Variants in ARL15 observed in about 807,000 individuals in gnomAD.
ARL15 encodes ARF like GTPase 15, also known as ADP-ribosylation factor-like protein 15.
A neutral mutation model predicts 25.2 loss-of-function variants in ARL15; 19 were observed. The ratio of observed to expected loss-of-function variants is 0.75; its 90% CI spans 0.53 to 1.10. The LOEUF is 1.10. Among genes scored for constraint, ARL15 ranks in the 50% least tolerant of loss-of-function variants. The pLI is 0.00. For synonymous variants in ARL15, 94 were observed against 86.8 expected (o/e 1.08, Z -0.46); for missense variants, 220 against 246.0 (o/e 0.89, Z 0.71).
chr5:53,998,049 T>C (rs1206335471), intron 4 of ARL15, among the ~76,000 whole-genome samples: 2 of 151,974 alleles, frequency 1.3e-5, no homozygotes, highest in African/African-American at 2.4e-5. Context: ...AGACTCATGT[T>C]TGACTGCTGA....
In ARL15 at chr5:54,067,119, TGGGA is replaced by T. The variant is rs1307270310; in HGVS notation, c.462+46079_462+46082del. The T allele has an allele frequency of 3.9e-5, 6 of 152,790 alleles. No individual in the cohort carries two copies. In the East Asian group the frequency reaches 1.2e-3, roughly 29 times the overall value. 9.5% of individuals were successfully genotyped at this position (152,790 alleles called of 1,614,324 possible). On this transcript the variant is annotated intron_variant, in intron 4 of 4. Coordinates refer to ENST00000504924, the MANE Select transcript of ARL15 (RefSeq NM_019087.3). ...AGGAAATTGGCACTCCTTTCACTGT[TGGGA>T]TAGCATTTGCTAAACATCAAAATAT...
At chr5:54,082,610 C>A (rs891156970) in intron 4 of ARL15, among the ~76,000 whole-genome samples, 1 of 152,118 alleles carries the variant, frequency 6.6e-6, no homozygotes, top group Non-Finnish European at 1.5e-5. Flanking sequence ...CAACTCCTAC[C>A]AAGATAAAAT....
chr5:54,020,816 G>C (rs1428240488), intron 4 of ARL15, among the ~76,000 whole-genome samples: 1 of 151,268 alleles, frequency 6.6e-6, no homozygotes, highest in East Asian at 1.9e-4. Flanking sequence ...TTAGCTGGCT[G>C]TGGTGGCTGG....
chr5:54,134,688 G>T (rs1190702648), intron 3 of ARL15, among the ~76,000 whole-genome samples: 2 of 136,868 alleles, frequency 1.5e-5, no homozygotes, highest in African/African-American at 5.5e-5. Context: ...GGGTTCAAGC[G>T]ATTCTCCTGC....
At chr5:54,239,417 C>T (rs3910951) in intron 1 of ARL15, among the ~76,000 whole-genome samples, 94,398 of 151,962 alleles carry the variant, frequency 0.62, 30,097 homozygotes, top group Non-Finnish European at 0.7. Flanking sequence ...AAGACTTACA[C>T]GAGTAAAGAA....
At chr5:54,231,901 G>C (rs996869708) in intron 1 of ARL15, among the ~76,000 whole-genome samples, 3 of 152,028 alleles carry the variant, frequency 2.0e-5, no homozygotes, top group African/African-American at 4.8e-5. Context: ...TAGTCACTGG[G>C]GGACAGAGCC....
intron 3 of ARL15, among the ~76,000 whole-genome samples, chr5:54,120,439 C>T (rs1753036052): frequency 6.6e-6 from 1 of 152,148 alleles, no homozygotes; most frequent in Non-Finnish European, 1.5e-5. Context: ...AACCTATGTT[C>T]CTTGGGATAC....
At chr5:54,077,820 G>A (rs1447809465) in intron 4 of ARL15, among the ~76,000 whole-genome samples, 1 of 152,126 alleles carries the variant, frequency 6.6e-6, no homozygotes, top group Non-Finnish European at 1.5e-5. Context: ...ATGTAAGGCA[G>A]CTCTAACATG....
intron 4 of ARL15, among the ~76,000 whole-genome samples, chr5:53,989,578 T>G (rs201650553): frequency 9.5e-5 from 2 of 21,058 alleles, no homozygotes; most frequent in African/African-American, 1.2e-4. Context: ...CAGGGAGGGG[T>G]GTGTGTGTGT....
chr5:53,939,457 C>T (rs1746459231), intron 4 of ARL15, among the ~76,000 whole-genome samples: 1 of 152,170 alleles, frequency 6.6e-6, no homozygotes, highest in Non-Finnish European at 1.5e-5. Context: ...AGATGCTGGG[C>T]CGGGCGCGAT....
At chr5:54,232,202 C>T (rs1756690411) in intron 1 of ARL15, among the ~76,000 whole-genome samples, 1 of 152,182 alleles carries the variant, frequency 6.6e-6, no homozygotes, top group African/African-American at 2.4e-5. Context: ...GGATTAGAGG[C>T]CCTCACCAAA....
intron 1 of ARL15, among the ~76,000 whole-genome samples, chr5:54,273,409 G>A (rs1040937125): frequency 5.5e-4 from 83 of 152,118 alleles, no homozygotes; most frequent in African/African-American, 1.9e-3. Flanking sequence ...ACCTAATCAC[G>A]AAGAAACAAT....
At chr5:54,091,646 T>G (rs1209218273) in intron 4 of ARL15, among the ~76,000 whole-genome samples, 1 of 152,142 alleles carries the variant, frequency 6.6e-6, no homozygotes, top group Non-Finnish European at 1.5e-5. Flanking sequence ...CCCCAGGTGG[T>G]GTGCCCACCT....
At chr5:54,295,881 C>T (rs1033174374) in intron 1 of ARL15, among the ~76,000 whole-genome samples, 5 of 152,212 alleles carry the variant, frequency 3.3e-5, no homozygotes, top group African/African-American at 1.2e-4. Flanking sequence ...AAATCACATG[C>T]TCTGCTTCTC....
intron 4 of ARL15, among the ~76,000 whole-genome samples, chr5:53,969,639 T>C (rs2112177426): frequency 6.6e-6 from 1 of 152,316 alleles, no homozygotes; most frequent in Admixed American, 6.5e-5. Flanking sequence ...CGATGCTTAA[T>C]ATTTTTAAAA....
intron 4 of ARL15, among the ~76,000 whole-genome samples, chr5:54,070,253 G>T (rs564861378): frequency 6.6e-6 from 1 of 151,756 alleles, no homozygotes; most frequent in African/African-American, 2.4e-5. Context: ...TTAGCCGGGC[G>T]TGGTGCCGGG....
intron 1 of ARL15, among the ~76,000 whole-genome samples, chr5:54,231,116 G>A (rs904901036): frequency 2.7e-5 from 4 of 148,842 alleles, no homozygotes; most frequent in Non-Finnish European, 5.9e-5. Flanking sequence ...TTTCCACGTG[G>A]ATATCCCACA....
chr5:54,131,875 C>T (rs1753449380), intron 3 of ARL15, among the ~76,000 whole-genome samples: 1 of 151,546 alleles, frequency 6.6e-6, no homozygotes, highest in South Asian at 2.1e-4. Flanking sequence ...TGCACTCCAG[C>T]CTGGGCCACA....
chr5:54,199,302 A>C (rs950541387), intron 1 of ARL15, among the ~76,000 whole-genome samples: 52 of 152,106 alleles, frequency 3.4e-4, no homozygotes, highest in East Asian at 7.7e-4. Flanking sequence ...CAAATGGGAT[A>C]TAATTAAACT....
Sources: allele counts gnomAD v4.1 joint callset (sites outside exome capture counted in the v4.1 genomes callset), GRCh38; gene constraint gnomAD v4.1.1; transcripts MANE v1.5; gene names NCBI Gene and HGNC (gene_info 2026-07-23, HGNC 2026-07-21).